The following PPP2R2B variants were observed in gnomAD, a reference collection of about 807,000 sequenced individuals.
The protein encoded by PPP2R2B is serine/threonine-protein phosphatase 2A 55 kDa regulatory subunit B beta isoform.
A neutral mutation model predicts 46.0 loss-of-function variants in PPP2R2B; 5 were observed. The ratio of observed to expected loss-of-function variants is 0.11; its 90% CI spans 0.06 to 0.23. The LOEUF (loss-of-function observed/expected upper bound fraction) is 0.23. Among genes scored for constraint, PPP2R2B ranks in the 10% least tolerant of loss-of-function variants. The pLI, the probability that PPP2R2B is intolerant of heterozygous loss-of-function variation, is 1.00. For missense variants in PPP2R2B, 367 were observed against 575.0 expected (o/e 0.64, Z 3.70); for synonymous variants, 215 against 206.7 (o/e 1.04, Z -0.34).
At chr5:146,798,369 T>C (rs187384060) in intron 2 of PPP2R2B, among the ~76,000 whole-genome samples, 5 of 152,262 alleles carry the variant, frequency 3.3e-5, no homozygotes, top group African/African-American at 9.6e-5. Flanking sequence ...GGTAATTTAT[T>C]TCTCTAATCC....
chr5:146,697,848 C>A (rs1438004685), intron 4 of PPP2R2B, 131 bp downstream of exon 4: 2 of 829,072 alleles, frequency 2.4e-6, no homozygotes. Context: ...CTCTGCTAAG[C>A]ATCTTGCAAA....
In PPP2R2B at chr5:146,585,149, A is replaced by G. The variant is rs1393290694; in HGVS notation, c.*4798T>C. ...TCTTAGTAACTCCAGCCCCTTGTCT[A>G]GAACCTGGCTGCCTGACACATCCCA... On this transcript the variant is annotated 3_prime_UTR_variant, in exon 10 of 10. Transcript: ENST00000394411. 1 of 152,126 alleles carries G rather than the reference A, an allele frequency of 6.6e-6. No homozygotes were observed. Among genetic ancestry groups the G allele is most frequent in the Non-Finnish European group, 1.5e-5 (1 of 68,028 alleles). 9.4% of individuals were successfully genotyped at this position (152,126 alleles called of 1,614,324 possible).
chr5:146,594,626 G>A (rs879737927), intron 8 of PPP2R2B, among the ~76,000 whole-genome samples: 4 of 152,204 alleles, frequency 2.6e-5, no homozygotes, highest in Non-Finnish European at 5.9e-5. Context: ...AATGGAGCAT[G>A]AAGCACAGAG....
At chr5:147,009,695 C>A (rs1428716248) in intron 1 of PPP2R2B, among the ~76,000 whole-genome samples, 1 of 151,952 alleles carries the variant, frequency 6.6e-6, no homozygotes, top group Non-Finnish European at 1.5e-5. Flanking sequence ...CACATGTTTT[C>A]AATTCATTTT....
chr5:147,019,594 TG>T (rs759839487), intron 1 of PPP2R2B, among the ~76,000 whole-genome samples: 2 of 151,482 alleles, frequency 1.3e-5, no homozygotes, highest in African/African-American at 2.4e-5. Context: ...TGTTTTGTTT[TG>T]TTTTTTTTTA....
intron 2 of PPP2R2B, among the ~76,000 whole-genome samples, chr5:146,765,143 G>C (rs1754403089): frequency 6.6e-6 from 1 of 152,156 alleles, no homozygotes; most frequent in Non-Finnish European, 1.5e-5. Context: ...TATAGAAAAT[G>C]TGATATCAAA....
At chr5:147,003,757 T>G (rs2151871320) in intron 1 of PPP2R2B, among the ~76,000 whole-genome samples, 1 of 152,124 alleles carries the variant, frequency 6.6e-6, no homozygotes, top group Admixed American at 6.5e-5. Flanking sequence ...CTAAGGAGAA[T>G]TAGGAAAAAG....
intron 1 of PPP2R2B, among the ~76,000 whole-genome samples, chr5:146,987,965 T>C (rs1274783154): frequency 6.6e-6 from 1 of 151,714 alleles, no homozygotes; most frequent in Non-Finnish European, 1.5e-5. Flanking sequence ...AGGGCAGGAG[T>C]AGCTATACTT....
chr5:147,005,683 G>A (rs948946756), intron 1 of PPP2R2B, among the ~76,000 whole-genome samples: 6 of 151,724 alleles, frequency 4.0e-5, no homozygotes, highest in Non-Finnish European at 8.8e-5. Flanking sequence ...GAGAGAGAGA[G>A]GAAGAAACAG....
chr5:146,628,273 G>T (rs113185754), intron 7 of PPP2R2B, among the ~76,000 whole-genome samples: 281 of 152,280 alleles, frequency 1.8e-3, no homozygotes, highest in African/African-American at 6.5e-3. Flanking sequence ...GGTCTAAAGT[G>T]CTTATGCCAT....
At chr5:146,750,291 T>C (rs2151235501) in intron 2 of PPP2R2B, among the ~76,000 whole-genome samples, 1 of 152,354 alleles carries the variant, frequency 6.6e-6, no homozygotes, top group Non-Finnish European at 1.5e-5. Context: ...TCCTTTGGTT[T>C]TCCATATACA....
intron 1 of PPP2R2B, among the ~76,000 whole-genome samples, chr5:146,941,316 C>A (rs778789925): frequency 1.1e-4 from 17 of 152,126 alleles, no homozygotes; most frequent in South Asian, 6.2e-4. Context: ...CACTTGGGAC[C>A]TAATTTTCCT....
At chr5:147,021,518 T>C (rs1755267151) in intron 1 of PPP2R2B, among the ~76,000 whole-genome samples, 1 of 152,116 alleles carries the variant, frequency 6.6e-6, no homozygotes, top group Admixed American at 6.6e-5. Flanking sequence ...TGGGGAGGTA[T>C]AAATTAATCA....
At chr5:146,742,229 T>A (rs577431459) in intron 2 of PPP2R2B, among the ~76,000 whole-genome samples, 1 of 152,324 alleles carries the variant, frequency 6.6e-6, no homozygotes, top group African/African-American at 2.4e-5. Flanking sequence ...TATTTCTTTT[T>A]TTGTGGGCTT....
intron 1 of PPP2R2B, among the ~76,000 whole-genome samples, chr5:147,040,415 G>A (rs1756237837): frequency 6.6e-6 from 1 of 151,990 alleles, no homozygotes; most frequent in African/African-American, 2.4e-5. Flanking sequence ...TAGAAATACT[G>A]CAAATAAAGT....
At chr5:146,640,181 T>C (rs1002137740) in intron 6 of PPP2R2B, among the ~76,000 whole-genome samples, 4 of 152,244 alleles carry the variant, frequency 2.6e-5, no homozygotes, top group African/African-American at 9.6e-5. Context: ...TGGTTGTGCC[T>C]CTTTCCCCTT....
chr5:146,812,230 T>C (rs765752795), intron 2 of PPP2R2B, among the ~76,000 whole-genome samples: 14 of 151,644 alleles, frequency 9.2e-5, no homozygotes, highest in African/African-American at 1.5e-4. Flanking sequence ...AAAATCCAAA[T>C]ATATGTGAAA....
intron 7 of PPP2R2B, among the ~76,000 whole-genome samples, chr5:146,627,324 T>C (rs1774131388): frequency 6.6e-6 from 1 of 152,252 alleles, no homozygotes; most frequent in African/African-American, 2.4e-5. Context: ...TTAAGATTCA[T>C]TGCAGTTGCT....
intron 2 of PPP2R2B, among the ~76,000 whole-genome samples, chr5:146,718,142 C>T (rs1780598422): frequency 1.3e-5 from 2 of 151,944 alleles, no homozygotes; most frequent in Admixed American, 6.6e-5. Flanking sequence ...AACGGTATTC[C>T]TGGCCCCTAG....
Sources: allele counts gnomAD v4.1 joint callset (sites outside exome capture counted in the v4.1 genomes callset), GRCh38; gene constraint gnomAD v4.1.1; transcripts MANE v1.5; gene names NCBI Gene and HGNC (gene_info 2026-07-23, HGNC 2026-07-21).